Variants in CDH13 observed in about 807,000 individuals in gnomAD.
CDH13 encodes cadherin 13.
A neutral mutation model predicts 63.8 loss-of-function variants in CDH13; 24 were observed. The ratio of observed to expected loss-of-function variants is 0.38; its 90% CI spans 0.27 to 0.53. The LOEUF (loss-of-function observed/expected upper bound fraction) is 0.53, where lower values mean the gene tolerates loss of function less well. Among genes scored for constraint, CDH13 ranks in the 20% least tolerant of loss-of-function variants. The probability of loss-of-function intolerance (pLI) is 0.85; values close to 1 mark genes in which losing one functional copy is unlikely to be tolerated. For synonymous variants in CDH13, 503 were observed against 355.3 expected (o/e 1.42, Z -4.67); for missense variants, 1,049 against 903.1 (o/e 1.16, Z -2.07).
intron 1 of CDH13, among the ~76,000 whole-genome samples, chr16:82,791,167 G>C (rs1193389144): frequency 6.6e-6 from 1 of 151,270 alleles, no homozygotes; most frequent in Non-Finnish European, 1.5e-5. Context: ...AACCCGGGAG[G>C]CGGAGCTTGC....
intron 6 of CDH13, among the ~76,000 whole-genome samples, chr16:83,430,825 T>A (rs1471126111): frequency 6.6e-6 from 1 of 152,124 alleles, no homozygotes; most frequent in African/African-American, 2.4e-5. Context: ...ACCAGTTCTT[T>A]TTTTTTTATA....
chr16:83,181,190 G>A lies in CDH13; in HGVS notation c.484-36155G>A, dbSNP rs1438763828. Reference sequence around the variant, plus strand: ...GAAGGCTTTGCAGCCAAGAAATGAGGCCTCAGGCAAGTCATTTAGTATTAG... The same window carrying A: ...GAAGGCTTTGCAGCCAAGAAATGAGACCTCAGGCAAGTCATTTAGTATTAG... On this transcript the variant is annotated intron_variant, in intron 4 of 13. Coordinates refer to ENST00000567109, the MANE Select transcript of CDH13 (RefSeq NM_001257.5). The A allele has an allele frequency of 5.6e-6, 3 of 531,434 alleles. No individual in the cohort carries two copies. The African/African-American group carries it at 5.8e-5, about 10-fold the overall frequency. The allele number at this position is 531,434 out of a possible 1,614,324, so 32.9% of individuals were successfully genotyped here.
At chr16:83,410,157 G>C (rs943631668) in intron 6 of CDH13, among the ~76,000 whole-genome samples, 12 of 152,162 alleles carry the variant, frequency 7.9e-5, no homozygotes, top group Non-Finnish European at 1.8e-4. Flanking sequence ...GGTTTTATCA[G>C]CTGAAGTGAA....
intron 1 of CDH13, among the ~76,000 whole-genome samples, chr16:82,827,538 C>G (rs2042665730): frequency 1.3e-5 from 2 of 152,068 alleles, no homozygotes; most frequent in Non-Finnish European, 2.9e-5. Context: ...AGGTCCCGCC[C>G]TTTTTAGGAG....
intron 8 of CDH13, among the ~76,000 whole-genome samples, chr16:83,634,915 GT>G (rs1196155056): frequency 3.9e-5 from 6 of 152,182 alleles, no homozygotes; most frequent in African/African-American, 1.4e-4. Flanking sequence ...TAAGGCTTTT[GT>G]GTGAACATAC....
intron 1 of CDH13, among the ~76,000 whole-genome samples, chr16:82,839,463 C>G (rs1212825174): frequency 6.6e-6 from 1 of 152,132 alleles, no homozygotes; most frequent in East Asian, 1.9e-4. Flanking sequence ...GCAGGGTTTC[C>G]TGGGATATGG....
chr16:82,713,604 T>C (rs769180861), intron 1 of CDH13, among the ~76,000 whole-genome samples: 11 of 152,040 alleles, frequency 7.2e-5, no homozygotes, highest in Admixed American at 2.0e-4. Context: ...GCATTCATGA[T>C]TGTTATGATG....
chr16:83,039,175 C>T (rs571571806), intron 3 of CDH13, among the ~76,000 whole-genome samples: 1 of 152,310 alleles, frequency 6.6e-6, no homozygotes, highest in African/African-American at 2.4e-5. Flanking sequence ...TTCACTGCTC[C>T]CAGTCTGGAG....
At chr16:83,003,111 C>A (rs999061248) in intron 2 of CDH13, among the ~76,000 whole-genome samples, 5 of 152,146 alleles carry the variant, frequency 3.3e-5, no homozygotes, top group Non-Finnish European at 7.4e-5. Context: ...GTCCTTTCCC[C>A]AACACTGGAA....
chr16:82,699,084 A>G (rs187751595), intron 1 of CDH13, among the ~76,000 whole-genome samples: 4,466 of 152,296 alleles, frequency 0.029, 91 homozygotes, highest in Middle Eastern at 0.051. Flanking sequence ...ATAATATACA[A>G]TATTCTGTTG....
intron 5 of CDH13, among the ~76,000 whole-genome samples, chr16:83,248,401 C>A (rs1212592449): frequency 6.6e-6 from 1 of 152,134 alleles, no homozygotes; most frequent in African/African-American, 2.4e-5. Flanking sequence ...GAAACTTCCC[C>A]TAGATCAGCA....
At chr16:83,758,041 A>C (rs1399719091) in intron 11 of CDH13, among the ~76,000 whole-genome samples, 2 of 151,992 alleles carry the variant, frequency 1.3e-5, no homozygotes, top group Non-Finnish European at 2.9e-5. Flanking sequence ...AAAAAAAAGA[A>C]AGAAAAAGAA....
intron 8 of CDH13, among the ~76,000 whole-genome samples, chr16:83,637,214 A>G (rs1193966994): frequency 1.3e-5 from 2 of 151,886 alleles, no homozygotes; most frequent in African/African-American, 4.9e-5. Context: ...ACAACATTAA[A>G]ATATCAAAAA....
chr16:83,643,297 AAAAAG>A (rs1423308644), intron 8 of CDH13, among the ~76,000 whole-genome samples: 2 of 52,816 alleles, frequency 3.8e-5, no homozygotes, highest in African/African-American at 1.4e-4. Context: ...AAAAAAAAAA[AAAAAG>A]AAAAAAAAAA....
At chr16:83,054,106 C>T (rs999398587) in intron 3 of CDH13, among the ~76,000 whole-genome samples, 2 of 152,146 alleles carry the variant, frequency 1.3e-5, no homozygotes, top group South Asian at 2.1e-4. Flanking sequence ...ATAGGCTATA[C>T]CGTATTTCCT....
intron 2 of CDH13, among the ~76,000 whole-genome samples, chr16:82,864,983 C>T (rs2040075804): frequency 1.3e-5 from 2 of 152,108 alleles, no homozygotes; most frequent in Admixed American, 1.3e-4. Flanking sequence ...GTCTACAGGC[C>T]CCACGCAAGT....
chr16:83,098,795 T>G (rs2034331504), intron 3 of CDH13, among the ~76,000 whole-genome samples: 1 of 152,220 alleles, frequency 6.6e-6, no homozygotes, highest in Non-Finnish European at 1.5e-5. Context: ...TTATTTTTAT[T>G]AGTGGTTTTG....
rs144126959 is a variant in CDH13, at chr16:83,207,188, C to T, written c.484-10157C>T. On this transcript the variant is annotated intron_variant, in intron 4 of 13. Transcript: ENST00000567109. ...TGCAACCATCATCCCCATCCATCTCCAGAACGTTTTCATCTTCCTCACCTT... is the reference window on the plus strand; with the variant it reads ...TGCAACCATCATCCCCATCCATCTCTAGAACGTTTTCATCTTCCTCACCTT... Among the ~76,000 whole-genome samples, 920 of 152,296 alleles carry T rather than the reference C, an allele frequency of 6.0e-3. 11 individuals carry two copies. The highest frequency in any genetic ancestry group is 0.02 in the African/African-American group (818 of 41,552).
intron 2 of CDH13, among the ~76,000 whole-genome samples, chr16:82,956,189 G>A (rs941155320): frequency 2.0e-5 from 3 of 151,836 alleles, no homozygotes; most frequent in Non-Finnish European, 2.9e-5. Flanking sequence ...CATGATTCTC[G>A]GTGTTTCTGT....
Sources: gnomAD v4.1 joint callset for allele counts (sites outside exome capture counted in the v4.1 genomes callset) on GRCh38, gnomAD v4.1.1 for gene constraint, MANE v1.5 for transcripts, NCBI Gene and HGNC (gene_info 2026-07-23, HGNC 2026-07-21) for gene names.